The following NFIA variants were observed in gnomAD, a reference collection of about 807,000 sequenced individuals.
NFIA encodes the protein nuclear factor 1 A-type.
Under a neutral mutation model 62.8 loss-of-function variants are expected in NFIA, and 8 were observed. The observed-to-expected ratio is 0.13, with a 90% CI of 0.07 to 0.23. The LOEUF (loss-of-function observed/expected upper bound fraction) is 0.23, where lower values mean the gene tolerates loss of function less well. NFIA is among the 10% of genes least tolerant of loss of function. NFIA has a pLI of 1.00. For synonymous variants in NFIA, 235 were observed against 238.1 expected, an observed-to-expected ratio of 0.99 and a Z score of 0.12; for missense variants, 410 against 642.1, an observed-to-expected ratio of 0.64 and a Z score of 3.91.
At chr1:61,155,385 T>C (rs1648722890) in intron 2 of NFIA, among the ~76,000 whole-genome samples, 1 of 152,218 alleles carries the variant, frequency 6.6e-6, no homozygotes, top group African/African-American at 2.4e-5. Context: ...TTTAAAATTC[T>C]AGAGTTGGCC....
intron 10 of NFIA, among the ~76,000 whole-genome samples, chr1:61,447,514 A>G (rs1667864330): frequency 6.6e-6 from 1 of 152,120 alleles, no homozygotes; most frequent in Non-Finnish European, 1.5e-5. Flanking sequence ...TCGCCACTGC[A>G]TTTTCCGCAG....
intron 9 of NFIA, among the ~76,000 whole-genome samples, chr1:61,409,447 G>A (rs1035096403): frequency 4.2e-4 from 64 of 152,230 alleles, no homozygotes; most frequent in African/African-American, 1.4e-3. Flanking sequence ...AATTTATAGC[G>A]TAGGAGAAGC....
At chr1:61,301,515 T>C (rs1037982594) in intron 3 of NFIA, among the ~76,000 whole-genome samples, 12 of 152,190 alleles carry the variant, frequency 7.9e-5, no homozygotes, top group African/African-American at 2.9e-4. Flanking sequence ...GACTCGACTT[T>C]ACAGAGTAAA....
chr1:61,317,121 G>A (rs999700452), intron 3 of NFIA, among the ~76,000 whole-genome samples: 4 of 151,916 alleles, frequency 2.6e-5, no homozygotes, highest in Middle Eastern at 3.2e-3. Context: ...AGGCAGCATG[G>A]CATATTTAGT....
chr1:61,111,921 C>A (rs1047715143), intron 2 of NFIA, among the ~76,000 whole-genome samples: 2 of 152,130 alleles, frequency 1.3e-5, no homozygotes, highest in Non-Finnish European at 2.9e-5. Flanking sequence ...TCTTGCTATG[C>A]TGGTCTTTCA....
intron 2 of NFIA, among the ~76,000 whole-genome samples, chr1:61,213,002 G>A (rs964630029): frequency 6.6e-6 from 1 of 152,206 alleles, no homozygotes; most frequent in Non-Finnish European, 1.5e-5. Context: ...TGCTCCTCTT[G>A]ACTGTTCCAC....
At chr1:61,108,101 T>C (rs1054676724) in intron 2 of NFIA, among the ~76,000 whole-genome samples, 6 of 151,686 alleles carry the variant, frequency 4.0e-5, no homozygotes, top group African/African-American at 1.4e-4. Context: ...CTTTTTGAAA[T>C]AAATTTTTTA....
chr1:61,189,630 A>G (rs1423990951), intron 2 of NFIA, among the ~76,000 whole-genome samples: 2 of 152,120 alleles, frequency 1.3e-5, no homozygotes, highest in Non-Finnish European at 2.9e-5. Flanking sequence ...GGGCCACTGC[A>G]CTCCAGCCTG....
upstream of NFIA, chr1:61,081,728 C>A: frequency 1.4e-6 from 1 of 707,830 alleles, no homozygotes; most frequent in South Asian, 1.9e-5. Context: ...GGTGAATCTT[C>A]TGTGGGCACT....
At chr1:61,380,612 C>A (rs1203518422) in intron 6 of NFIA, among the ~76,000 whole-genome samples, 1 of 151,922 alleles carries the variant, frequency 6.6e-6, no homozygotes, top group African/African-American at 2.4e-5. Flanking sequence ...AACAAATTAA[C>A]CAAAACATAC....
chr1:61,191,314 C>T (rs1434138688), intron 2 of NFIA, among the ~76,000 whole-genome samples: 4 of 152,038 alleles, frequency 2.6e-5, no homozygotes, highest in Non-Finnish European at 4.4e-5. Context: ...AAACTAATGA[C>T]CAAATGAATA....
chr1:61,082,958 TTC>T (rs1337282471), intron 1 of NFIA, 140 bp downstream of exon 1: 8 of 395,036 alleles, frequency 2.0e-5, no homozygotes, highest in Admixed American at 1.4e-4. Context: ...CTGCGCGTGT[TTC>T]TGTGTGTGTG....
At chr1:61,303,369 A>G (rs561920850) in intron 3 of NFIA, among the ~76,000 whole-genome samples, 18 of 152,368 alleles carry the variant, frequency 1.2e-4, no homozygotes, top group Non-Finnish European at 2.5e-4. Flanking sequence ...TAAAATATCA[A>G]TGAGAAAAGT....
chr1:61,202,696 T>C (rs182869717), intron 2 of NFIA, among the ~76,000 whole-genome samples: 1 of 152,320 alleles, frequency 6.6e-6, no homozygotes, highest in East Asian at 1.9e-4. Context: ...TGTTTTTTGT[T>C]TTATTTTCCA....
At chr1:61,107,992 T>G (rs1020374186) in intron 2 of NFIA, among the ~76,000 whole-genome samples, 2 of 151,726 alleles carry the variant, frequency 1.3e-5, no homozygotes, top group African/African-American at 4.8e-5. Flanking sequence ...GATTCTTTGC[T>G]CTGTTACACT....
intron 3 of NFIA, among the ~76,000 whole-genome samples, chr1:61,290,138 T>C (rs1224384891): frequency 2.0e-5 from 3 of 152,062 alleles, no homozygotes; most frequent in Non-Finnish European, 4.4e-5. Context: ...CTTTAATAGA[T>C]ATTTTTAAAC....
At chr1:61,363,052 G>T (rs1663384619) in intron 6 of NFIA, among the ~76,000 whole-genome samples, 1 of 152,110 alleles carries the variant, frequency 6.6e-6, no homozygotes, top group Admixed American at 6.6e-5. Context: ...TGTGTACCAG[G>T]TTTTTAAAAA....
intron 4 of NFIA, among the ~76,000 whole-genome samples, chr1:61,333,309 G>A (rs958445967): frequency 2.6e-5 from 4 of 152,190 alleles, no homozygotes; most frequent in Admixed American, 2.6e-4. Context: ...TTTGTGGAAT[G>A]AGCTGGAGTA....
chr1:61,260,889 T>C (rs1309055397), intron 2 of NFIA, among the ~76,000 whole-genome samples: 1 of 152,238 alleles, frequency 6.6e-6, no homozygotes, highest in Non-Finnish European at 1.5e-5. Context: ...CAAGAAATTT[T>C]CATAGAGTTT....
Sources: allele counts gnomAD v4.1 joint callset (sites outside exome capture counted in the v4.1 genomes callset), GRCh38; gene constraint gnomAD v4.1.1; transcripts MANE v1.5; gene names NCBI Gene and HGNC (gene_info 2026-07-23, HGNC 2026-07-21).